Variants in TAF1 observed in about 807,000 individuals in gnomAD.
The protein encoded by TAF1 is TATA-box binding protein associated factor 1.
A neutral mutation model predicts 138.5 loss-of-function variants in TAF1; 2 were observed. That is an observed-to-expected ratio of 0.01 (90% CI 0.01 to 0.05). The LOEUF (loss-of-function observed/expected upper bound fraction) is 0.05, where lower values mean the gene tolerates loss of function less well. Ranked by LOEUF, TAF1 falls within the 10% of genes least tolerant of loss-of-function variation. The pLI is 1.00. For missense variants in TAF1, 709 were observed against 1,478.0 expected, an observed-to-expected ratio of 0.48 and a Z score of 8.53; for synonymous variants, 437 against 503.2, an observed-to-expected ratio of 0.87 and a Z score of 1.76.
intron 34 of TAF1, among the ~76,000 whole-genome samples, chrX:71,456,069 G>A (rs1189111030): frequency 9.0e-6 from 1 of 111,684 alleles, no homozygotes; most frequent in African/African-American, 3.3e-5. Flanking sequence ...TGTTGCCCAG[G>A]AAGGCCCTAT....
At chrX:71,516,743 C>T (rs1344278068) in intron 13 of TAF1, among the ~76,000 whole-genome samples, 13 of 108,376 alleles carry the variant, frequency 1.2e-4, no homozygotes, top group Admixed American at 3.0e-4. Flanking sequence ...CTCTCTCTGT[C>T]GCCCAGGCTG....
intron 13 of TAF1, among the ~76,000 whole-genome samples, chrX:71,495,541 A>G (rs758666289): frequency 9.0e-6 from 1 of 111,192 alleles, no homozygotes; most frequent in Non-Finnish European, 1.9e-5. Context: ...TAAAAACAAC[A>G]CTCTTCCCCT....
chrX:71,444,004 G>C (rs1013662251), intron 32 of TAF1, among the ~76,000 whole-genome samples: 1 of 108,337 alleles, frequency 9.2e-6, no homozygotes, highest in African/African-American at 3.4e-5. Flanking sequence ...GACCCACCAC[G>C]CCCAGCCTGT....
intron 34 of TAF1, among the ~76,000 whole-genome samples, chrX:71,455,378 T>A (rs145005006): frequency 8.9e-6 from 1 of 111,975 alleles, no homozygotes; most frequent in Non-Finnish European, 1.9e-5. Context: ...GTCAAAAGAA[T>A]GAGAGAGCAG....
chrX:71,395,068 G>C (rs1168807730), intron 22 of TAF1, among the ~76,000 whole-genome samples: 1 of 111,764 alleles, frequency 8.9e-6, no homozygotes, highest in African/African-American at 3.2e-5. Flanking sequence ...ACCATAAAAA[G>C]AGTTTTAAAA....
Position 71,378,332 on chromosome X carries a change from A to T in TAF1, c.1031A>T (p.Tyr344Phe). The change falls in exon 7 of 38, where the codon TAT becomes TTT. Residue 344 changes from tyrosine to phenylalanine, a missense_variant. Tyr to Phe is a conservative substitution (Grantham distance 22). This residue lies in a region of TAF1 where 201 missense variants were observed against 421.3 expected (regional missense o/e 0.48). Coordinates refer to ENST00000423759, the MANE Select transcript of TAF1 (RefSeq NM_004606.5). Reference sequence around the variant, plus strand: ...AAACCAAGAGTGGCTGAGTGGCGTTATGGGCCTGCCCGACTGTGGTATGAT... The same window carrying T: ...AAACCAAGAGTGGCTGAGTGGCGTTTTGGGCCTGCCCGACTGTGGTATGAT... ...DTKPRVAEWR[Y>F]GPARLWYDML... 2 of 1,212,072 alleles carry T rather than the reference A, an allele frequency of 1.7e-6. No homozygotes were observed. The highest frequency in any genetic ancestry group is 2.2e-6 in the Non-Finnish European group (2 of 895,601).
intron 35 of TAF1, 79 bp from the exon 36 acceptor site, chrX:71,459,473 G>C (rs868852502): frequency 6.1e-6 from 7 of 1,150,044 alleles, no homozygotes; most frequent in Middle Eastern, 3.4e-4. Flanking sequence ...GGCGGGGAGG[G>C]GGGGTGTGCC....
chrX:71,424,114 T>A, intron 31 of TAF1, 40 bp from the exon 32 acceptor site: 1 of 1,196,345 alleles, frequency 8.4e-7, no homozygotes, highest in Middle Eastern at 2.3e-4. Flanking sequence ...CAAGTGACTG[T>A]GTGTGTGTGT....
chrX:71,454,658 T>C, intron 33 of TAF1, 83 bp from the exon 34 acceptor site: 5 of 772,693 alleles, frequency 6.5e-6, no homozygotes, highest in Non-Finnish European at 9.4e-6. Flanking sequence ...TCCATGAAGA[T>C]AGATATTTTT....
intron 15 of TAF1, 106 bp downstream of exon 15, chrX:71,387,567 G>A (rs907304694): frequency 1.4e-5 from 13 of 913,607 alleles, no homozygotes; most frequent in South Asian, 7.0e-5. Context: ...GGGAGGCCGC[G>A]GTGAATGGAT....
chrX:71,511,177 G>A (rs1166196575), intron 13 of TAF1, among the ~76,000 whole-genome samples: 1 of 112,068 alleles, frequency 8.9e-6, no homozygotes, highest in Non-Finnish European at 1.9e-5. Flanking sequence ...GAGAATGTTT[G>A]TTTTTGCTTC....
intron 26 of TAF1, 133 bp from the exon 27 acceptor site, chrX:71,407,441 C>A: frequency 2.0e-6 from 1 of 512,535 alleles, no homozygotes; most frequent in Non-Finnish European, 3.4e-6. Context: ...TGGTGTTGAA[C>A]TCTTGGCCTC....
intron 29 of TAF1, among the ~76,000 whole-genome samples, chrX:71,422,193 G>T (rs900913958): frequency 2.1e-4 from 24 of 111,652 alleles, no homozygotes; most frequent in African/African-American, 7.8e-4. Context: ...TGCTAAAGAT[G>T]TTTTTTTGTG....
At chrX:71,519,285 T>C (rs1833161167) in intron 13 of TAF1, among the ~76,000 whole-genome samples, 1 of 100,168 alleles carries the variant, frequency 1.0e-5, no homozygotes, top group Non-Finnish European at 2.0e-5. Flanking sequence ...ATCAAGCCAC[T>C]GCACTCTAGC....
chrX:71,375,081 A>G, intron 3 of TAF1, 86 bp from the exon 4 acceptor site: 1 of 1,136,186 alleles, frequency 8.8e-7, no homozygotes. Context: ...GTCTCAAAAA[A>G]AAAAAAAAAA....
In TAF1 at chrX:71,519,360, C is replaced by T. The variant is rs142213110; in HGVS notation, c.1367-9182C>T. ...AAAGTAATAATAATTTTTCATTACT[C>T]CTAAATGTAGAGTTTGGAACACTCT... On this transcript the variant is annotated intron_variant and NMD_transcript_variant, in intron 13 of 14. Transcript: ENST00000373775. Among the ~76,000 whole-genome samples, 432 of 102,257 alleles carry T rather than the reference C, an allele frequency of 4.2e-3. 9 individuals are homozygous for T. The East Asian group carries it at 0.049, about 12-fold the overall frequency. 88.8% of individuals were successfully genotyped at this position (102,257 alleles called of 115,157 possible). A position where few individuals can be genotyped will look rare whatever the true frequency, so the allele number is the denominator to read the frequency against.
chrX:71,373,445 G>A (rs2033240538), intron 3 of TAF1, among the ~76,000 whole-genome samples: 1 of 111,369 alleles, frequency 9.0e-6, no homozygotes, highest in South Asian at 3.7e-4. Context: ...TGGGATTACA[G>A]GTGTGAGCCA....
chrX:71,464,222 C>T lies in TAF1; in HGVS notation c.*176C>T, dbSNP rs1403508575. On this transcript the variant is annotated 3_prime_UTR_variant, in exon 38 of 38. Coordinates refer to ENST00000423759, the MANE Select transcript of TAF1 (RefSeq NM_004606.5). ...ATAATAAATCACCTCTCCTAATCTT[C>T]CTGGGGCAATGTCACCCTTTGATTT... 1.7e-5 allele frequency: 8 copies of T among 458,301 alleles called. No individual in the cohort carries two copies. In the East Asian group the frequency reaches 2.6e-4, roughly 15 times the overall value. 37.8% of individuals were successfully genotyped at this position (458,301 alleles called of 1,213,427 possible).
intron 2 of TAF1, 144 bp downstream of exon 2, chrX:71,367,757 G>A (rs775389369): frequency 8.7e-6 from 6 of 687,827 alleles, no homozygotes; most frequent in African/African-American, 2.2e-5. Context: ...TGCAGCCTCC[G>A]CCACCCGGGT....
Sources: gnomAD v4.1 joint callset for allele counts (sites outside exome capture counted in the v4.1 genomes callset) on GRCh38, gnomAD v4.1.1 for gene constraint, gnomAD v4.1.1 regional missense constraint, MANE v1.5 for transcripts, NCBI Gene and HGNC (gene_info 2026-07-23, HGNC 2026-07-21) for gene names.